The following ATP8A2 variants were observed in gnomAD, a reference collection of about 807,000 sequenced individuals.
The protein encoded by ATP8A2 is phospholipid-transporting ATPase IB.
ATP8A2 carries 100 observed loss-of-function variants against 165.6 expected under a neutral mutation model. That is an observed-to-expected ratio of 0.60 (90% CI 0.51 to 0.71). The LOEUF (loss-of-function observed/expected upper bound fraction) is 0.71, where lower values mean the gene tolerates loss of function less well. Among genes scored for constraint, ATP8A2 ranks in the 30% least tolerant of loss-of-function variants. ATP8A2 has a pLI of 0.00. For missense variants in ATP8A2, 1,227 were observed against 1,479.5 expected (o/e 0.83, Z 2.80); for synonymous variants, 543 against 548.8 (o/e 0.99, Z 0.15).
In ATP8A2 at chr13:25,639,951, A is replaced by T. The variant is rs186900719; in HGVS notation, c.2211+50252A>T. Among the ~76,000 whole-genome samples the T allele has an allele frequency of 8.5e-5, 13 of 152,356 alleles. 1 individual carries two copies. In the South Asian group the frequency reaches 2.5e-3, roughly 29 times the overall value. ...ACTGGAACTCAGGATTAAGAAACTCATTCAAAACTGCTAAACTACATGGAA... is the reference window on the plus strand; with the variant it reads ...ACTGGAACTCAGGATTAAGAAACTCTTTCAAAACTGCTAAACTACATGGAA... On this transcript the variant is annotated intron_variant, in intron 24 of 36. Coordinates refer to ENST00000381655, the MANE Select transcript of ATP8A2 (RefSeq NM_016529.6).
chr13:25,480,491 G>T (rs2036148866), intron 2 of ATP8A2, among the ~76,000 whole-genome samples: 1 of 151,156 alleles, frequency 6.6e-6, no homozygotes, highest in African/African-American at 2.4e-5. Context: ...TCGCGGCCGG[G>T]CAGAGGCGCT....
chr13:25,905,571 G>A (rs551537192), intron 33 of ATP8A2, among the ~76,000 whole-genome samples: 7 of 152,260 alleles, frequency 4.6e-5, no homozygotes, highest in East Asian at 3.9e-4. Flanking sequence ...CGGTTGGTGC[G>A]TGTTGAGTTT....
At chr13:25,616,326 C>CTTTCTTTCTTT (rs1357480265) in intron 24 of ATP8A2, among the ~76,000 whole-genome samples, 1 of 106,754 alleles carries the variant, frequency 9.4e-6, no homozygotes, top group African/African-American at 3.8e-5. Context: ...TTCTTTCTTT[C>CTTTCTTTCTTT]TTTTTTTTTT....
In ATP8A2 at chr13:25,827,224, C is replaced by G. The variant is rs574150273; in HGVS notation, c.2680-894C>G. ...TCCCAGGTTCAAGCGATTCTCCTGC[C>G]TCAGACCCCCCCGAGTAGCTGGGAT... On this transcript the variant is annotated intron_variant, in intron 27 of 36. Coordinates refer to ENST00000381655, the MANE Select transcript of ATP8A2 (RefSeq NM_016529.6). Among the ~76,000 whole-genome samples the G allele has an allele frequency of 3.3e-5, 5 of 152,292 alleles. No homozygotes were observed. In the South Asian group the frequency reaches 8.3e-4, roughly 25 times the overall value.
At chr13:25,565,068 CCAT>C (rs2039270895) in intron 16 of ATP8A2, among the ~76,000 whole-genome samples, 1 of 152,072 alleles carries the variant, frequency 6.6e-6, no homozygotes, top group Non-Finnish European at 1.5e-5. Flanking sequence ...ACGTGGTATT[CCAT>C]CATCTCTCTC....
chr13:25,961,892 C>T (rs188153774), intron 34 of ATP8A2, among the ~76,000 whole-genome samples: 66 of 152,248 alleles, frequency 4.3e-4, no homozygotes, highest in African/African-American at 1.4e-3. Context: ...GGCATGGCAG[C>T]GCATAGCTCT....
chr13:25,765,110 T>G (rs1260719474), intron 25 of ATP8A2, among the ~76,000 whole-genome samples: 3 of 152,240 alleles, frequency 2.0e-5, no homozygotes, highest in Admixed American at 2.0e-4. Flanking sequence ...CAGGGACATG[T>G]GTCCCATAAA....
At chr13:25,947,320 T>C (rs1955238721) in intron 33 of ATP8A2, among the ~76,000 whole-genome samples, 1 of 152,186 alleles carries the variant, frequency 6.6e-6, no homozygotes, top group Non-Finnish European at 1.5e-5. Context: ...GTGATTTCCA[T>C]TGTCTACATC....
chr13:25,438,267 A>G (rs904407606), intron 1 of ATP8A2, among the ~76,000 whole-genome samples: 1 of 152,230 alleles, frequency 6.6e-6, no homozygotes, highest in Non-Finnish European at 1.5e-5. Context: ...GCTTTAAAAT[A>G]TATTATCAAC....
At chr13:25,617,360 A>C (rs1238616485) in intron 24 of ATP8A2, among the ~76,000 whole-genome samples, 1 of 152,172 alleles carries the variant, frequency 6.6e-6, no homozygotes, top group African/African-American at 2.4e-5. Flanking sequence ...CAGATATTAG[A>C]TTGTAGTTTT....
intron 25 of ATP8A2, among the ~76,000 whole-genome samples, chr13:25,707,856 G>C (rs187315886): frequency 1.9e-4 from 29 of 152,290 alleles, no homozygotes; most frequent in African/African-American, 7.0e-4. Flanking sequence ...CAGAAGCTCA[G>C]ATGCAAACTG....
intron 21 of ATP8A2, 88 bp from the exon 22 acceptor site, chr13:25,579,720 G>T: frequency 4.8e-6 from 7 of 1,459,710 alleles, no homozygotes; most frequent in East Asian, 4.6e-5. Context: ...CAATTTTTTT[G>T]GGCATGCTGA....
rs9581441 is a variant in ATP8A2 at position 25,731,404 on chromosome 13, A to C, written c.2384+32059A>C. On this transcript the variant is annotated intron_variant, in intron 25 of 36. Transcript: ENST00000381655. The stretch of plus-strand genomic sequence containing the variant: ...GGGAGGAAGAAAAAGGAAGAAAGAG[A>C]AAGAAAGAGAGAGGTGGGAATAAAG... Among the ~76,000 whole-genome samples the C allele has an allele frequency of 3.2e-3, 483 of 151,400 alleles. 3 individuals carry two copies. Among genetic ancestry groups the C allele is most frequent in the African/African-American group, 0.011 (461 of 40,832 alleles).
chr13:25,782,132 A>T (rs217878), intron 27 of ATP8A2, among the ~76,000 whole-genome samples: 1 of 152,228 alleles, frequency 6.6e-6, no homozygotes, highest in Non-Finnish European at 1.5e-5. Flanking sequence ...AATGTGTTTC[A>T]TTTGGGGGAC....
At chr13:25,452,979 C>T (rs2035268440) in intron 1 of ATP8A2, among the ~76,000 whole-genome samples, 1 of 151,744 alleles carries the variant, frequency 6.6e-6, no homozygotes, top group Non-Finnish European at 1.5e-5. Context: ...CCGGTAATTC[C>T]AGCTACTTGG....
chr13:25,888,238 C>G (rs1167978525), intron 33 of ATP8A2, among the ~76,000 whole-genome samples: 2 of 152,118 alleles, frequency 1.3e-5, no homozygotes, highest in Non-Finnish European at 2.9e-5. Context: ...AGTGAAATAG[C>G]TTTGGGCTGT....
intron 24 of ATP8A2, among the ~76,000 whole-genome samples, chr13:25,635,700 C>T (rs1237350801): frequency 6.6e-6 from 1 of 152,160 alleles, no homozygotes; most frequent in East Asian, 1.9e-4. Context: ...ATAGGCCATG[C>T]TCAAGTTTTG....
chr13:25,507,221 G>T (rs982542385), intron 2 of ATP8A2, among the ~76,000 whole-genome samples: 1 of 54,736 alleles, frequency 1.8e-5, no homozygotes, highest in African/African-American at 6.8e-5. Context: ...ACCATTCTTT[G>T]TGTGTGTGTG....
At chr13:25,521,737 G>T (rs553307836) in intron 2 of ATP8A2, among the ~76,000 whole-genome samples, 114 of 151,444 alleles carry the variant, frequency 7.5e-4, no homozygotes, top group African/African-American at 2.6e-3. Flanking sequence ...AAGAGATGGG[G>T]TCTCACAATG....
Sources: gnomAD v4.1 joint callset for allele counts (sites outside exome capture counted in the v4.1 genomes callset) on GRCh38, gnomAD v4.1.1 for gene constraint, MANE v1.5 for transcripts, NCBI Gene and HGNC (gene_info 2026-07-23, HGNC 2026-07-21) for gene names.